The following NRP2 variants were observed in gnomAD, a reference collection of about 807,000 sequenced individuals.
NRP2 encodes the protein neuropilin 2, also known as neuropilin-2.
Under a neutral mutation model 110.4 loss-of-function variants are expected in NRP2, and 52 were observed. That is an observed-to-expected ratio of 0.47 (90% CI 0.38 to 0.59). NRP2 has a LOEUF of 0.59. Ranked by LOEUF, NRP2 falls within the 20% of genes least tolerant of loss-of-function variation. The pLI is 0.00. For missense variants in NRP2, 1,049 were observed against 1,203.0 expected (o/e 0.87, Z 1.89); for synonymous variants, 508 against 468.9 (o/e 1.08, Z -1.08).
chr2:205,730,765 G>C (rs1333240795), intron 7 of NRP2, among the ~76,000 whole-genome samples: 2 of 152,220 alleles, frequency 1.3e-5, no homozygotes, highest in African/African-American at 2.4e-5. Flanking sequence ...AGTGCTCAAG[G>C]TGGCGGGGGA....
chr2:205,784,334 A>C (rs972544178), intron 15 of NRP2, among the ~76,000 whole-genome samples: 5 of 152,354 alleles, frequency 3.3e-5, no homozygotes, highest in Admixed American at 2.6e-4. Context: ...TCATTTAAGC[A>C]CAAAGAAACT....
intron 15 of NRP2, among the ~76,000 whole-genome samples, chr2:205,782,881 C>A (rs767140843): frequency 2.0e-5 from 3 of 150,654 alleles, no homozygotes; most frequent in Non-Finnish European, 4.4e-5. Context: ...CTATTATAAA[C>A]AATACTGCAA....
In NRP2 at chr2:205,697,550, C is replaced by A; in HGVS notation, c.80C>A (p.Pro27Gln). The part of the protein sequence containing the change: ...RHQVRGQPDP[P>Q]CGGRLNSKDA... ...TCGTTGATTTCTCTTTCAGACCCACCGTGCGGAGGTCGTTTGAATTCCAAA... is the reference window on the plus strand; with the variant it reads ...TCGTTGATTTCTCTTTCAGACCCACAGTGCGGAGGTCGTTTGAATTCCAAA... Residue 27 changes from proline to glutamine, a missense_variant, in exon 2 of 17, where the codon CCG becomes CAG. Transcript: ENST00000357785. 6.2e-7 allele frequency: 1 copy of A among 1,613,732 alleles called. No individual in the cohort carries two copies.
chr2:205,788,949 T>C (rs930516384), intron 15 of NRP2, among the ~76,000 whole-genome samples: 11 of 152,192 alleles, frequency 7.2e-5, no homozygotes, highest in Non-Finnish European at 1.0e-4. Flanking sequence ...TGAAGAACAA[T>C]GTAATTTAGT....
At chr2:205,748,889 A>G (rs1180167044) in intron 10 of NRP2, among the ~76,000 whole-genome samples, 1 of 152,252 alleles carries the variant, frequency 6.6e-6, no homozygotes, top group Admixed American at 6.5e-5. Context: ...TAAGCAAATG[A>G]ATAGGTGAAT....
chr2:205,763,577 A>C lies in NRP2; in HGVS notation c.2045-97A>C. 3 of 1,529,754 alleles carry C rather than the reference A, an allele frequency of 2.0e-6. No homozygotes were observed. In the East Asian group the frequency reaches 6.8e-5, roughly 34 times the overall value. The allele number at this position is 1,529,754 out of a possible 1,614,324, so 94.8% of individuals were successfully genotyped here. On this transcript the variant is annotated intron_variant, in intron 12 of 16. Transcript: ENST00000357785. The surrounding 1 kb of genome is among the most constrained non-coding windows in gnomAD (Gnocchi z 4.0). ...ACATGAATAAACCAAAGACACCGAA[A>C]CTCAGTCCCAACTTTCCCTTGGAGA... is the stretch of plus-strand genomic sequence containing the variant.
At chr2:205,784,059 A>G (rs2058208799) in intron 15 of NRP2, among the ~76,000 whole-genome samples, 1 of 140,152 alleles carries the variant, frequency 7.1e-6, no homozygotes, top group South Asian at 2.6e-4. Flanking sequence ...ATTGCGCAAA[A>G]TTAAATCCTT....
intron 12 of NRP2, among the ~76,000 whole-genome samples, chr2:205,759,005 TG>T (rs2057779205): frequency 6.6e-6 from 1 of 151,892 alleles, no homozygotes. Flanking sequence ...CTGACAGTGG[TG>T]GGCCATAAAT....
intron 3 of NRP2, chr2:205,722,249 T>C (rs1201287196): frequency 1.8e-6 from 1 of 552,828 alleles, no homozygotes; most frequent in African/African-American, 1.9e-5. Flanking sequence ...AATTCCTCAA[T>C]TGCTGCTCTC....
chr2:205,768,230 G>A (rs1166929389), intron 15 of NRP2: 1 of 152,244 alleles, frequency 6.6e-6, no homozygotes, highest in Non-Finnish European at 1.5e-5. Context: ...CTCTCTGGGG[G>A]TGAGGTTTAT....
intron 15 of NRP2, chr2:205,778,739 G>A (rs1180793387): frequency 6.6e-6 from 1 of 152,212 alleles, no homozygotes; most frequent in East Asian, 1.9e-4. Context: ...AACAGAAGGT[G>A]ACAACAACTT....
Position 205,778,563 on chromosome 2 carries a change from G to A in NRP2, c.2425+11760G>A, listed in dbSNP as rs568118642. 6.6e-5 allele frequency: 10 copies of A among 152,244 alleles called. No individual in the cohort carries two copies. In the East Asian group the frequency reaches 1.4e-3, roughly 21 times the overall value. The allele number at this position is 152,244 out of a possible 1,614,324, so 9.4% of individuals were successfully genotyped here. A position where few individuals can be genotyped will look rare whatever the true frequency, so the allele number is the denominator to read the frequency against. ...GCCACTCATTAAGGGCTTTTACCTC[G>A]GCTGTCCACATCCAGTCATGCATTT... On this transcript the variant is annotated intron_variant, in intron 15 of 16. Transcript: ENST00000357785.
chr2:205,769,508 A>ACACACG (rs2057984980), intron 15 of NRP2, among the ~76,000 whole-genome samples: 1 of 129,476 alleles, frequency 7.7e-6, no homozygotes, highest in Non-Finnish European at 1.5e-5. Context: ...ACATACATAC[A>ACACACG]CACACACACA....
At chr2:205,754,192 T>C (rs2057696923) in intron 12 of NRP2, among the ~76,000 whole-genome samples, 1 of 152,110 alleles carries the variant, frequency 6.6e-6, no homozygotes, top group Admixed American at 6.5e-5. Context: ...GGAAATTTAG[T>C]AGATCAGTTT....
intron 1 of NRP2, among the ~76,000 whole-genome samples, chr2:205,694,807 T>C (rs1021242169): frequency 1.3e-5 from 2 of 152,234 alleles, no homozygotes; most frequent in Admixed American, 1.3e-4. Context: ...AAAGATCAGT[T>C]ATCAAGAGGA....
chr2:205,749,590 C>T, intron 10 of NRP2, 135 bp from the exon 11 acceptor site: 2 of 735,718 alleles, frequency 2.7e-6, no homozygotes, highest in Non-Finnish European at 2.4e-6. Flanking sequence ...TGACAGCACA[C>T]AGACATGACT....
intron 8 of NRP2, among the ~76,000 whole-genome samples, chr2:205,741,547 G>T (rs1247138441): frequency 1.3e-5 from 2 of 152,190 alleles, no homozygotes; most frequent in African/African-American, 4.8e-5. Context: ...GCAATGCAGG[G>T]GGTGCAGATG....
intron 2 of NRP2, among the ~76,000 whole-genome samples, chr2:205,710,253 T>C (rs954584071): frequency 2.6e-5 from 4 of 152,198 alleles, no homozygotes; most frequent in African/African-American, 4.8e-5. Flanking sequence ...AAGGTCTCTG[T>C]GCCCTGGAGT....
chr2:205,764,834 C>G (rs760579603), intron 13 of NRP2, among the ~76,000 whole-genome samples: 3 of 152,194 alleles, frequency 2.0e-5, no homozygotes, highest in African/African-American at 7.2e-5. Flanking sequence ...TGTATTGTAA[C>G]TACCTGTTTG....
Sources: gnomAD v4.1 joint callset for allele counts (sites outside exome capture counted in the v4.1 genomes callset) on GRCh38, gnomAD v4.1.1 for gene constraint, Gnocchi (gnomAD v3.1) non-coding constraint, MANE v1.5 for transcripts, NCBI Gene and HGNC (gene_info 2026-07-23, HGNC 2026-07-21) for gene names.